Variants in NME7 observed in about 807,000 individuals in gnomAD.
NME7 encodes the protein NME/NM23 family member 7.
NME7 carries 41 observed loss-of-function variants against 49.1 expected under a neutral mutation model. The ratio of observed to expected loss-of-function variants is 0.83; its 90% CI spans 0.65 to 1.08. The LOEUF (loss-of-function observed/expected upper bound fraction) is 1.08. Among genes scored for constraint, NME7 ranks in the 50% least tolerant of loss-of-function variants. The pLI is 0.00. For missense variants in NME7, 423 were observed against 463.4 expected, an observed-to-expected ratio of 0.91 and a Z score of 0.80; for synonymous variants, 139 against 150.6, an observed-to-expected ratio of 0.92 and a Z score of 0.56.
At chr1:169,328,200 A>C (rs904164043) in intron 1 of NME7, among the ~76,000 whole-genome samples, 1 of 151,958 alleles carries the variant, frequency 6.6e-6, no homozygotes. Context: ...GGTTTTTTGG[A>C]GGGGGGGATT....
At chr1:169,277,349 T>C (rs1649777887) in intron 7 of NME7, among the ~76,000 whole-genome samples, 1 of 143,196 alleles carries the variant, frequency 7.0e-6, no homozygotes, top group Non-Finnish European at 1.5e-5. Context: ...ACTCAGGACT[T>C]GCTTTATGAA....
chr1:169,245,731 G>A (rs1648286026), intron 7 of NME7, among the ~76,000 whole-genome samples: 4 of 152,050 alleles, frequency 2.6e-5, no homozygotes, highest in Admixed American at 1.3e-4. Context: ...AAATAGACGT[G>A]TATCTTTAAA....
chr1:169,147,259 A>G lies in NME7; in HGVS notation c.1099-14442T>C, dbSNP rs560842346. ...ATTCTAATTACTTTTGAGGGAGGCCAAATATTCTGACTCTATTTCCTATTA... is the reference window on the plus strand; with the variant it reads ...ATTCTAATTACTTTTGAGGGAGGCCGAATATTCTGACTCTATTTCCTATTA... On this transcript the variant is annotated intron_variant, in intron 11 of 11. Coordinates refer to ENST00000367811, the MANE Select transcript of NME7 (RefSeq NM_013330.5). 9.2e-5 allele frequency among the ~76,000 whole-genome samples: 14 copies of G among 152,364 alleles called. No individual in the cohort carries two copies. In the East Asian group the frequency reaches 1.5e-3, roughly 17 times the overall value.
intron 1 of NME7, among the ~76,000 whole-genome samples, chr1:169,329,553 G>T (rs146850291): frequency 7.2e-5 from 11 of 151,786 alleles, no homozygotes; most frequent in Non-Finnish European, 1.6e-4. Context: ...TGCAAAAAGC[G>T]TACTGAAGAA....
chr1:169,236,613 T>C (rs1454170066), intron 8 of NME7, among the ~76,000 whole-genome samples: 1 of 152,150 alleles, frequency 6.6e-6, no homozygotes, highest in Non-Finnish European at 1.5e-5. Flanking sequence ...CTAATACTTT[T>C]AGAAAGTTTT....
chr1:169,303,208 C>A lies in NME7; in HGVS notation c.390-13G>T. Reference sequence around the variant, plus strand: ...CAATGCTTCTTTCCTATAAAATAATCAAAAAGGCAATAGTTAAGAATTATA... The same window carrying A: ...CAATGCTTCTTTCCTATAAAATAATAAAAAAGGCAATAGTTAAGAATTATA... On this transcript the variant is annotated splice_polypyrimidine_tract_variant and intron_variant, in intron 4 of 11. Coordinates refer to ENST00000367811, the MANE Select transcript of NME7 (RefSeq NM_013330.5). 7.2e-7 allele frequency: 1 copy of A among 1,391,846 alleles called. No homozygotes were observed. Among genetic ancestry groups the A allele is most frequent in the South Asian group, 1.3e-5 (1 of 76,376 alleles). The allele number at this position is 1,391,846 out of a possible 1,614,324, so 86.2% of individuals were successfully genotyped here.
intron 10 of NME7, among the ~76,000 whole-genome samples, chr1:169,187,125 C>T (rs910888150): frequency 2.6e-5 from 4 of 152,038 alleles, no homozygotes; most frequent in Non-Finnish European, 5.9e-5. Flanking sequence ...GTCTGAGAGA[C>T]TGTTATGATT....
rs1651328960 is a variant in NME7, at chr1:169,310,100, A to G, written c.279-20T>C. The G allele has an allele frequency of 6.9e-7, 1 of 1,447,056 alleles. No homozygotes were observed. 89.6% of individuals were successfully genotyped at this position (1,447,056 alleles called of 1,614,324 possible). Reference sequence around the variant, plus strand: ...AGCGTTCTATAAGGAAACAAAAAATAAGTTTGCAAATAAAAATAGTTCAAC... The same window carrying G: ...AGCGTTCTATAAGGAAACAAAAAATGAGTTTGCAAATAAAAATAGTTCAAC... On this transcript the variant is annotated intron_variant, in intron 3 of 11. Coordinates refer to ENST00000367811, the MANE Select transcript of NME7 (RefSeq NM_013330.5).
At position 169,282,501 on chromosome 1, in the gene NME7, T is replaced by A. The variant is rs534387472; in HGVS notation, c.754+4802A>T. Among the ~76,000 whole-genome samples the A allele has an allele frequency of 5.3e-5, 8 of 152,284 alleles. No individual in the cohort carries two copies. The East Asian group carries it at 7.7e-4, about 15-fold the overall frequency. On this transcript the variant is annotated intron_variant, in intron 7 of 11. Coordinates refer to ENST00000367811, the MANE Select transcript of NME7 (RefSeq NM_013330.5). ...CATGTCTTCTGCTAGCTTTTGAATT[T>A]GTTTGCTGTTGCTTCTCTAGTTCTT...
intron 7 of NME7, among the ~76,000 whole-genome samples, chr1:169,283,332 T>C (rs751419259): frequency 3.4e-4 from 51 of 152,180 alleles, no homozygotes; most frequent in Admixed American, 6.5e-4. Flanking sequence ...TTTGAGCCTA[T>C]ATGTGTCTTT....
intron 1 of NME7, among the ~76,000 whole-genome samples, chr1:169,349,640 ATGTC>A (rs1386531029): frequency 2.6e-5 from 4 of 152,096 alleles, no homozygotes. Flanking sequence ...TCCACAATGT[ATGTC>A]TATTTAGTGT....
At chr1:169,218,045 C>T (rs1406113330) in intron 10 of NME7, among the ~76,000 whole-genome samples, 1 of 152,326 alleles carries the variant, frequency 6.6e-6, no homozygotes, top group East Asian at 1.9e-4. Context: ...ACACAAATAT[C>T]TCAGACTTAA....
At chr1:169,311,866 G>A (rs1175611315) in intron 3 of NME7, among the ~76,000 whole-genome samples, 1 of 152,172 alleles carries the variant, frequency 6.6e-6, no homozygotes, top group East Asian at 1.9e-4. Flanking sequence ...GATTGACTAT[G>A]TGATAAATAA....
intron 5 of NME7, chr1:169,302,313 A>G (rs1650973610): frequency 1.3e-5 from 2 of 152,326 alleles, no homozygotes; most frequent in Admixed American, 6.5e-5. Context: ...TTGCCTGTTC[A>G]TTGCAGCACT....
At chr1:169,228,542 T>C (rs954582506) in intron 10 of NME7, among the ~76,000 whole-genome samples, 1 of 151,088 alleles carries the variant, frequency 6.6e-6, no homozygotes, top group Non-Finnish European at 1.5e-5. Flanking sequence ...CCGGGCGCAG[T>C]GGCGGGCGCC....
chr1:169,232,143 T>C (rs989636038), intron 9 of NME7, among the ~76,000 whole-genome samples: 12 of 152,198 alleles, frequency 7.9e-5, no homozygotes, highest in Non-Finnish European at 1.5e-4. Flanking sequence ...AAGATCCAAA[T>C]ACAACGTCTA....
intron 7 of NME7, 148 bp from the exon 8 acceptor site, chr1:169,237,835 C>A (rs1339804157): frequency 1.7e-6 from 1 of 582,108 alleles, no homozygotes; most frequent in East Asian, 2.9e-5. Flanking sequence ...TAAATTAAAT[C>A]CCTAATACTG....
At chr1:169,312,931 C>A (rs981981197) in intron 3 of NME7, among the ~76,000 whole-genome samples, 2 of 152,010 alleles carry the variant, frequency 1.3e-5, no homozygotes, top group African/African-American at 4.8e-5. Context: ...AAAAGTAAAC[C>A]TATTCTAAAC....
intron 10 of NME7, among the ~76,000 whole-genome samples, chr1:169,178,030 G>A (rs1659810811): frequency 1.3e-5 from 2 of 151,902 alleles, no homozygotes; most frequent in Non-Finnish European, 2.9e-5. Flanking sequence ...TAGTAGAGAC[G>A]AGGTTTCACC....
Sources: allele counts gnomAD v4.1 joint callset (sites outside exome capture counted in the v4.1 genomes callset), GRCh38; gene constraint gnomAD v4.1.1; transcripts MANE v1.5; gene names NCBI Gene and HGNC (gene_info 2026-07-23, HGNC 2026-07-21).